Variants in CARD14 observed in about 807,000 individuals in gnomAD.
The protein encoded by CARD14 is caspase recruitment domain family member 14, also known as caspase recruitment domain-containing protein 14.
A neutral mutation model predicts 111.5 loss-of-function variants in CARD14; 107 were observed. That is an observed-to-expected ratio of 0.96 (90% confidence interval 0.82 to 1.13). The LOEUF is 1.13. Ranked by LOEUF, CARD14 falls within the 50% of genes most tolerant of loss-of-function variation. The pLI is 0.00. For synonymous variants in CARD14, 617 were observed against 579.6 expected, an observed-to-expected ratio of 1.06 and a Z score of -0.93; for missense variants, 1,322 against 1,362.3, an observed-to-expected ratio of 0.97 and a Z score of 0.47.
rs1424119791 is a variant in CARD14 at position 80,181,607 on chromosome 17, G to A, written c.169G>A (p.Val57Met). 1 of 1,556,874 alleles carries A rather than the reference G, an allele frequency of 6.4e-7. No homozygotes were observed. Among genetic ancestry groups the A allele is most frequent in the Non-Finnish European group, 8.7e-7 (1 of 1,150,664 alleles). The change falls in exon 5 of 24, where the codon GTG becomes ATG. Residue 57 changes from valine (V) to methionine (M), a missense_variant. Coordinates refer to ENST00000648509, the MANE Select transcript of CARD14 (RefSeq NM_001366385.1). ...GCTGTGCCAGCTGGACGAGGAGGAG[G>A]TGCTGCACAGCCCCCGGCTCACCAA... ...KVLCQLDEEE[V>M]LHSPRLTNSA...
intron 18 of CARD14, 23 bp downstream of exon 18, chr17:80,202,443 G>A (rs758802303): frequency 5.7e-5 from 91 of 1,603,760 alleles, no homozygotes; most frequent in Middle Eastern, 1.7e-4. Flanking sequence ...CTCGAGCTCG[G>A]TGCGTCCCCA....
Position 80,188,107 on chromosome 17 carries a change from G to C in CARD14, c.676-270G>C. 2.0e-6 allele frequency: 1 copy of C among 512,446 alleles called. No homozygotes were observed. 31.7% of individuals were successfully genotyped at this position (512,446 alleles called of 1,614,324 possible). A position where few individuals can be genotyped will look rare whatever the true frequency, so the allele number is the denominator to read the frequency against. Reference sequence around the variant, plus strand: ...CAGGAGTTGGTTATCAAGGCCTCTTGGTCTATTCCTGGGACCCTAACCCTG... The same window carrying C: ...CAGGAGTTGGTTATCAAGGCCTCTTCGTCTATTCCTGGGACCCTAACCCTG... On this transcript the variant is annotated intron_variant, in intron 7 of 23. Transcript: ENST00000648509. This position sits in a 1 kb window ranked among gnomAD's most constrained non-coding sequence, Gnocchi z 4.5.
chr17:80,203,997 T>G lies in CARD14; in HGVS notation c.2283+112T>G, dbSNP rs1598705653. 1 of 916,942 alleles carries G rather than the reference T, an allele frequency of 1.1e-6. No individual in the cohort carries two copies. The highest frequency in any genetic ancestry group is 1.7e-6 in the Non-Finnish European group (1 of 600,398). The allele number at this position is 916,942 out of a possible 1,614,324, so 56.8% of individuals were successfully genotyped here. A position where few individuals can be genotyped will look rare whatever the true frequency, so the allele number is the denominator to read the frequency against. ...GGAGAGTGGGCTGCTGATTGGAGGGTAACCCCACCTGTCTCTCCTCTGCAC... is the reference window on the plus strand; with the variant it reads ...GGAGAGTGGGCTGCTGATTGGAGGGGAACCCCACCTGTCTCTCCTCTGCAC... On this transcript the variant is annotated intron_variant, in intron 19 of 23. Transcript: ENST00000648509. This position sits in a 1 kb window ranked among gnomAD's most constrained non-coding sequence, Gnocchi z 4.6.
chr17:80,179,986 T>C (rs1050846169), intron 4 of CARD14, among the ~76,000 whole-genome samples: 1 of 152,256 alleles, frequency 6.6e-6, no homozygotes, highest in East Asian at 1.9e-4. Context: ...ATGGTAGATA[T>C]GTGGATATTT....
intron 16 of CARD14, among the ~76,000 whole-genome samples, chr17:80,199,152 T>C (rs982452065): frequency 5.9e-5 from 9 of 152,162 alleles, no homozygotes; most frequent in Non-Finnish European, 1.2e-4. Flanking sequence ...CTTTTTTTTG[T>C]TGTTGTTACG....
rs1483672211 is a variant in CARD14, at chr17:80,189,664, G to T, written c.844-89G>T. 1.4e-6 allele frequency: 2 copies of T among 1,393,562 alleles called. No homozygotes were observed. Among genetic ancestry groups the T allele is most frequent in the African/African-American group, 3.0e-5 (2 of 65,872 alleles). 86.3% of individuals were successfully genotyped at this position (1,393,562 alleles called of 1,614,324 possible). On this transcript the variant is annotated intron_variant, in intron 8 of 23. Coordinates refer to ENST00000648509, the MANE Select transcript of CARD14 (RefSeq NM_001366385.1). The surrounding 1 kb of genome is among the most constrained non-coding windows in gnomAD (Gnocchi z 4.7). ...TGCATCCGTCCACACACCTGACCGT[G>T]CAGTTGCCGCCATCTTCTCGGGATT...
At chr17:80,170,115 C>CGGAGGGCTCAGCCTAT (rs2039859380) in intron 1 of CARD14, 59 bp downstream of exon 1, 1 of 152,168 alleles carries the variant, frequency 6.6e-6, no homozygotes, top group Non-Finnish European at 1.5e-5. Context: ...GCTCAGCCTA[C>CGGAGGGCTCAGCCTAT]GGAGGGGCTC....
chr17:80,175,529 T>C (rs1201124164), intron 2 of CARD14, among the ~76,000 whole-genome samples: 2 of 152,104 alleles, frequency 1.3e-5, no homozygotes, highest in African/African-American at 2.4e-5. Context: ...CAGACGCCTC[T>C]GCAGGAGCCA....
At chr17:80,177,922 G>C (rs202021938) in intron 2 of CARD14, among the ~76,000 whole-genome samples, 2 of 152,104 alleles carry the variant, frequency 1.3e-5, no homozygotes, top group African/African-American at 2.4e-5. Flanking sequence ...CGTTGGCAGA[G>C]ACTTATTCCC....
chr17:80,205,215 T>G lies in CARD14; in HGVS notation c.2569+10T>G, dbSNP rs1261489858. 6.2e-7 allele frequency: 1 copy of G among 1,606,478 alleles called. No individual in the cohort carries two copies. The highest frequency in any genetic ancestry group is 1.7e-4 in the Middle Eastern group (1 of 6,034). The stretch of plus-strand genomic sequence containing the variant: ...AAGAAGTGCCTGGCAGGTATGCTGT[T>G]GCCTGGGAATCCCTCTACCCCTTCC... On this transcript the variant is annotated intron_variant, in intron 21 of 23. Coordinates refer to ENST00000648509, the MANE Select transcript of CARD14 (RefSeq NM_001366385.1).
chr17:80,184,509 T>A (rs991439862), intron 7 of CARD14, among the ~76,000 whole-genome samples: 24 of 152,226 alleles, frequency 1.6e-4, no homozygotes, highest in Non-Finnish European at 1.3e-4. Flanking sequence ...GAACTGCCCA[T>A]CCTGCTGACG....
At position 80,198,038 on chromosome 17, in the gene CARD14, T is replaced by C; in HGVS notation, c.1595-61T>C. The C allele has an allele frequency of 1.3e-6, 2 of 1,556,588 alleles. No homozygotes were observed. Among genetic ancestry groups the C allele is most frequent in the Non-Finnish European group, 1.8e-6 (2 of 1,129,954 alleles). On this transcript the variant is annotated intron_variant, in intron 14 of 23. Transcript: ENST00000648509. This position sits in a 1 kb window ranked among gnomAD's most constrained non-coding sequence, Gnocchi z 7.5. Reference sequence around the variant, plus strand: ...AGAAGGGGCTGAGGTTACAGGAGGTTACAGGACGCCCCATCAGCAGTGGGG... The same window carrying C: ...AGAAGGGGCTGAGGTTACAGGAGGTCACAGGACGCCCCATCAGCAGTGGGG...
Position 80,188,433 on chromosome 17 carries a change from G to A in CARD14, c.732G>A (p.Leu244=). 1 of 1,610,342 alleles carries A rather than the reference G, an allele frequency of 6.2e-7. No homozygotes were observed. The highest frequency in any genetic ancestry group is 1.1e-5 in the South Asian group (1 of 90,276). The change falls in exon 8 of 24, where the codon CTG becomes CTA. Residue 244 remains leucine, a synonymous_variant. Coordinates refer to ENST00000648509, the MANE Select transcript of CARD14 (RefSeq NM_001366385.1). The surrounding 1 kb of genome is among the most constrained non-coding windows in gnomAD (Gnocchi z 4.5). ...CCAACATGGTTTCCTCCTGTGAGCTGGAATTGCAAGAGCAGTCCCTGAGGA... is the reference window on the plus strand; with the variant it reads ...CCAACATGGTTTCCTCCTGTGAGCTAGAATTGCAAGAGCAGTCCCTGAGGA... ...QRANMVSSCE[L]ELQEQSLRTA...
intron 16 of CARD14, among the ~76,000 whole-genome samples, chr17:80,199,577 A>G (rs867957157): frequency 2.1e-4 from 31 of 148,828 alleles, no homozygotes; most frequent in African/African-American, 4.5e-4. Flanking sequence ...AAAAAAAAAA[A>G]AAAAGAAAAG....
In CARD14 at chr17:80,182,310, C is replaced by T. The variant is rs2040199885; in HGVS notation, c.212-343C>T. 1.3e-5 allele frequency among the ~76,000 whole-genome samples: 2 copies of T among 152,298 alleles called. No individual in the cohort carries two copies. The highest frequency in any genetic ancestry group is 6.5e-5 in the Admixed American group (1 of 15,300). Reference sequence around the variant, plus strand: ...GTGGTGGGACCCTGCGTCTGCATCACCCACCAGCTTGCCAGGGAGGTGCTT... The same window carrying T: ...GTGGTGGGACCCTGCGTCTGCATCATCCACCAGCTTGCCAGGGAGGTGCTT... On this transcript the variant is annotated intron_variant, in intron 5 of 23. Coordinates refer to ENST00000648509, the MANE Select transcript of CARD14 (RefSeq NM_001366385.1). This position sits in a 1 kb window ranked among gnomAD's most constrained non-coding sequence, Gnocchi z 4.7.
intron 14 of CARD14, among the ~76,000 whole-genome samples, 199 bp from the exon 15 acceptor site, chr17:80,197,900 C>A (rs1314426177): frequency 3.3e-5 from 5 of 152,182 alleles, no homozygotes; most frequent in Admixed American, 2.0e-4. Context: ...GAAAGTTCAG[C>A]CTCAGCACAA....
Position 80,184,116 on chromosome 17 carries a change from A to G in CARD14, c.553A>G (p.Ser185Gly). ...ADHSRMKREV[S>G]AHFHEVLRLK... Reference sequence around the variant, plus strand: ...CCACAGCCGCATGAAGCGTGAGGTTAGCGCACACTTCCATGAGGTGCTGAG... The same window carrying G: ...CCACAGCCGCATGAAGCGTGAGGTTGGCGCACACTTCCATGAGGTGCTGAG... Residue 185 changes from serine (S) to glycine (G), a missense_variant, in exon 7 of 24, where the codon AGC becomes GGC. Coordinates refer to ENST00000648509, the MANE Select transcript of CARD14 (RefSeq NM_001366385.1). 4 of 1,576,698 alleles carry G rather than the reference A, an allele frequency of 2.5e-6. No individual in the cohort carries two copies. Among genetic ancestry groups the G allele is most frequent in the Non-Finnish European group, 3.4e-6 (4 of 1,161,652 alleles).
chr17:80,179,166 G>T lies in CARD14; in HGVS notation c.-156G>T, dbSNP rs1033361050. 2 of 152,256 alleles carry T rather than the reference G, an allele frequency of 1.3e-5. No individual in the cohort carries two copies. The highest frequency in any genetic ancestry group is 2.9e-5 in the Non-Finnish European group (2 of 68,048). The allele number at this position is 152,256 out of a possible 1,614,324, so 9.4% of individuals were successfully genotyped here. On this transcript the variant is annotated 5_prime_UTR_variant, in exon 4 of 24. Coordinates refer to ENST00000648509, the MANE Select transcript of CARD14 (RefSeq NM_001366385.1). ...TCCAGCCTCTCCTTCCAAATGAAAA[G>T]AATCAAGTCACAGGAATTCATGGGT...
chr17:80,205,126 GCTC>G lies in CARD14; in HGVS notation c.2494_2496del (p.Leu832del), dbSNP rs1481480129. On this transcript the variant is annotated inframe_deletion, in exon 21 of 24. Coordinates refer to ENST00000648509, the MANE Select transcript of CARD14 (RefSeq NM_001366385.1). ...ATCGACCCGCCCGGCCCCGGCCTGT[GCTC>G]CTCGTGCCCAGGGCGGTTGGGAAGA... 2.5e-6 allele frequency: 4 copies of G among 1,613,594 alleles called. No individual in the cohort carries two copies. The highest frequency in any genetic ancestry group is 1.1e-5 in the South Asian group (1 of 91,084).
Sources: allele counts gnomAD v4.1 joint callset (sites outside exome capture counted in the v4.1 genomes callset), GRCh38; gene constraint gnomAD v4.1.1; non-coding constraint Gnocchi (gnomAD v3.1); transcripts MANE v1.5; gene names NCBI Gene and HGNC (gene_info 2026-07-23, HGNC 2026-07-21).